Variants in SEMA4D observed in about 807,000 individuals in gnomAD.
SEMA4D encodes semaphorin 4D, also known as semaphorin-4D.
In SEMA4D, 22 loss-of-function variants were observed where a neutral mutation model predicts 74.8. The observed-to-expected ratio is 0.29, with a 90% confidence interval of 0.21 to 0.42. The LOEUF (loss-of-function observed/expected upper bound fraction) is 0.42. SEMA4D is among the 10% of genes least tolerant of loss of function. The pLI is 1.00. For synonymous variants in SEMA4D, 445 were observed against 463.7 expected (o/e 0.96, Z 0.52); for missense variants, 937 against 1,118.4 (o/e 0.84, Z 2.31).
chr9:89,386,400 C>T lies in SEMA4D; in HGVS notation c.1413G>A (p.Glu471=). The change falls in exon 13 of 16, where the codon GAG becomes GAA. Residue 471 remains glutamate, a synonymous_variant. Coordinates refer to ENST00000422704, the MANE Select transcript of SEMA4D (RefSeq NM_001371194.2). Reference sequence around the variant, plus strand: ...AAGACAGCAGCAGGGTCTGGACTGGCTCAAAGTCCTGGAAGAGCTGGGTCT... The same window carrying T: ...AAGACAGCAGCAGGGTCTGGACTGGTTCAAAGTCCTGGAAGAGCTGGGTCT... ...IEETQLFQDF[E]PVQTLLLSSK... The T allele has an allele frequency of 6.2e-7, 1 of 1,614,098 alleles. No individual in the cohort carries two copies. Among genetic ancestry groups the T allele is most frequent in the Non-Finnish European group, 8.5e-7 (1 of 1,179,956 alleles).
chr9:89,473,058 C>T (rs756710727), intron 1 of SEMA4D, among the ~76,000 whole-genome samples: 6 of 151,918 alleles, frequency 3.9e-5, no homozygotes, highest in African/African-American at 7.3e-5. Context: ...ACTGCACTCC[C>T]GCCTAGGCAA....
intron 1 of SEMA4D, among the ~76,000 whole-genome samples, chr9:89,462,639 A>C (rs1184923785): frequency 6.6e-6 from 1 of 152,080 alleles, no homozygotes; most frequent in Non-Finnish European, 1.5e-5. Context: ...CAAGCCAACA[A>C]CACCTCCTAT....
chr9:89,464,921 A>G (rs1858290108), intron 1 of SEMA4D, among the ~76,000 whole-genome samples: 1 of 152,214 alleles, frequency 6.6e-6, no homozygotes, highest in African/African-American at 2.4e-5. Context: ...TGCTGGCTCT[A>G]AATTATATTA....
At chr9:89,389,300 A>G (rs954146971) in intron 9 of SEMA4D, among the ~76,000 whole-genome samples, 1 of 152,214 alleles carries the variant, frequency 6.6e-6, no homozygotes, top group Non-Finnish European at 1.5e-5. Context: ...TCTCACTGAA[A>G]GCTCATTTGA....
chr9:89,409,325 G>A (rs1433201673), intron 2 of SEMA4D, among the ~76,000 whole-genome samples: 5 of 152,130 alleles, frequency 3.3e-5, no homozygotes, highest in African/African-American at 4.8e-5. Context: ...ATACTACCAC[G>A]GTGGACACAT....
At chr9:89,427,369 G>A (rs921030183) in intron 2 of SEMA4D, among the ~76,000 whole-genome samples, 1 of 152,116 alleles carries the variant, frequency 6.6e-6, no homozygotes, top group African/African-American at 2.4e-5. Context: ...CTAAGGAGGC[G>A]GTGTGACCCT....
chr9:89,380,676 C>T (rs77518289), intron 15 of SEMA4D, among the ~76,000 whole-genome samples: 7,086 of 152,208 alleles, frequency 0.047, 232 homozygotes, highest in South Asian at 0.099. Context: ...CGGGTGAATC[C>T]CAGGTGGGAG....
chr9:89,477,771 T>C (rs1348071302), intron 1 of SEMA4D, among the ~76,000 whole-genome samples: 1 of 152,224 alleles, frequency 6.6e-6, no homozygotes, highest in African/African-American at 2.4e-5. Flanking sequence ...TGTCTTCATT[T>C]TCTGAGCAAT....
rs1218905746 is a variant in SEMA4D, at chr9:89,391,373, T to C, written c.665A>G (p.Asp222Gly). 6.2e-7 allele frequency: 1 copy of C among 1,614,118 alleles called. No individual in the cohort carries two copies. Among genetic ancestry groups the C allele is most frequent in the Non-Finnish European group, 8.5e-7 (1 of 1,180,050 alleles). Reference sequence around the variant, plus strand: ...CCTGTCATCCTCGCCGTCGGGGCTGTCTGGGCTTTTTCGGATCACGTCAGC... The same window carrying C: ...CCTGTCATCCTCGCCGTCGGGGCTGCCTGGGCTTTTTCGGATCACGTCAGC... ...VFADVIRKSP[D>G]SPDGEDDRVY... The change falls in exon 9 of 16, where the codon GAC (aspartate) becomes GGC (glycine). Residue 222 changes from aspartate (D) to glycine (G), a missense_variant. By Grantham distance (94) the Asp-to-Gly change is moderately conservative. Transcript: ENST00000422704.
rs1435154302 is a variant in SEMA4D, at chr9:89,475,076, C to A, written c.-309-19123G>T. Among the ~76,000 whole-genome samples, 5 of 152,224 alleles carry A rather than the reference C, an allele frequency of 3.3e-5. 1 individual carries two copies. The highest frequency in any genetic ancestry group is 7.4e-5 in the Non-Finnish European group (5 of 68,024). ...CCGGGCCCACCCCGGAGGAGGCTCT[C>A]CTGGGGAAAAGGGTCGAGGTGCAGG... On this transcript the variant is annotated intron_variant, in intron 1 of 15. Transcript: ENST00000422704.
intron 1 of SEMA4D, among the ~76,000 whole-genome samples, chr9:89,467,049 A>G (rs1239536401): frequency 2.6e-5 from 4 of 152,248 alleles, no homozygotes; most frequent in African/African-American, 9.6e-5. Flanking sequence ...TCACAGCCCC[A>G]TGTGTGAAGT....
intron 2 of SEMA4D, among the ~76,000 whole-genome samples, chr9:89,446,859 C>G (rs1853009824): frequency 6.6e-6 from 1 of 152,198 alleles, no homozygotes; most frequent in South Asian, 2.1e-4. Context: ...GGGCTCCCTG[C>G]CCACACTGTG....
intron 2 of SEMA4D, among the ~76,000 whole-genome samples, chr9:89,446,260 T>A (rs149780154): frequency 3.7e-4 from 57 of 152,262 alleles, no homozygotes; most frequent in Admixed American, 8.5e-4. Context: ...TGTGAGTGCA[T>A]TTGGGGCCCA....
intron 2 of SEMA4D, among the ~76,000 whole-genome samples, chr9:89,451,077 A>T (rs1374367705): frequency 6.6e-6 from 1 of 152,158 alleles, no homozygotes; most frequent in African/African-American, 2.4e-5. Flanking sequence ...CAAGGTTTGT[A>T]ACCCTACGAT....
intron 16 of SEMA4D, among the ~76,000 whole-genome samples, chr9:89,370,768 ATG>A (rs1309495450): frequency 7.2e-5 from 5 of 68,970 alleles, no homozygotes; most frequent in African/African-American, 1.2e-4. Context: ...GAGGGGTGTG[ATG>A]TGTGTGTGGG....
Position 89,378,135 on chromosome 9 carries a change from T to C in SEMA4D, c.*569A>G, listed in dbSNP as rs1407035606. ...CAAATATATAACAAAATCTGGAAGA[T>C]ATACATCTTCTTCTAAATATTAACA... On this transcript the variant is annotated 3_prime_UTR_variant, in exon 16 of 16. Coordinates refer to ENST00000422704, the MANE Select transcript of SEMA4D (RefSeq NM_001371194.2). The C allele has an allele frequency of 2.0e-5, 3 of 152,264 alleles. No homozygotes were observed. The East Asian group carries it at 5.8e-4, about 30-fold the overall frequency. 9.4% of individuals were successfully genotyped at this position (152,264 alleles called of 1,614,324 possible).
intron 2 of SEMA4D, among the ~76,000 whole-genome samples, chr9:89,409,777 G>C (rs1004156990): frequency 1.3e-5 from 2 of 152,096 alleles, no homozygotes; most frequent in African/African-American, 4.8e-5. Context: ...CTGTTGGAGA[G>C]ATATGGTTTA....
In SEMA4D at chr9:89,392,435, G is replaced by A. The variant is rs1176846874; in HGVS notation, c.610C>T (p.Pro204Ser). The A allele has an allele frequency of 1.2e-6, 2 of 1,612,356 alleles. No individual in the cohort carries two copies. Among genetic ancestry groups the A allele is most frequent in the Non-Finnish European group, 1.7e-6 (2 of 1,178,444 alleles). ...TGCTCTTCCTTACCGTTCAGCCAAG[G>A]GATTGCATATTCTGTCCTCAGAGGA... ...HSPLRTEYAIPWLNEPSFVFA... is the reference protein window; with the variant it reads ...HSPLRTEYAISWLNEPSFVFA... The change falls in exon 8 of 16, where the codon CCT (proline) becomes TCT (serine). Residue 204 changes from proline (P) to serine (S), a missense_variant. Pro to Ser is a moderately conservative substitution (Grantham distance 74, BLOSUM62 -1). Coordinates refer to ENST00000422704, the MANE Select transcript of SEMA4D (RefSeq NM_001371194.2).
In SEMA4D at chr9:89,391,429, A is replaced by G. The variant is rs1839847703; in HGVS notation, c.623-14T>C. ...CGAAACTAGGCTCTGCAGAGAGAGG[A>G]CAGTGATTATCCCAGAACACAGAGC... On this transcript the variant is annotated splice_polypyrimidine_tract_variant and intron_variant, in intron 8 of 15. Coordinates refer to ENST00000422704, the MANE Select transcript of SEMA4D (RefSeq NM_001371194.2). 1 of 1,613,992 alleles carries G rather than the reference A, an allele frequency of 6.2e-7. No individual in the cohort carries two copies. The highest frequency in any genetic ancestry group is 1.7e-5 in the Admixed American group (1 of 60,012).
Sources: gnomAD v4.1 joint callset for allele counts (sites outside exome capture counted in the v4.1 genomes callset) on GRCh38, gnomAD v4.1.1 for gene constraint, MANE v1.5 for transcripts, NCBI Gene and HGNC (gene_info 2026-07-23, HGNC 2026-07-21) for gene names.